Variants in MARCHF6 observed in about 807,000 individuals in gnomAD.
MARCHF6 encodes E3 ubiquitin-protein ligase MARCHF6.
A neutral mutation model predicts 133.7 loss-of-function variants in MARCHF6; 31 were observed. The ratio of observed to expected loss-of-function variants is 0.23; its 90% confidence interval spans 0.17 to 0.31. The LOEUF (loss-of-function observed/expected upper bound fraction) is 0.31. Ranked by LOEUF, MARCHF6 falls within the 10% of genes least tolerant of loss-of-function variation. The pLI is 1.00. For missense variants in MARCHF6, 723 were observed against 1,121.6 expected, an observed-to-expected ratio of 0.64 and a Z score of 5.08; for synonymous variants, 395 against 402.5, an observed-to-expected ratio of 0.98 and a Z score of 0.22.
chr5:10,435,956 G>A lies in MARCHF6; in HGVS notation c.*2272G>A, dbSNP rs897415562. ...GGTCTCGGAACTCCTGACTGCAGGT[G>A]ATCCGTCCTCCTTGGGCTCCCAAAG... On this transcript the variant is annotated 3_prime_UTR_variant, in exon 26 of 26. Transcript: ENST00000274140. 2 of 151,334 alleles carry A rather than the reference G, an allele frequency of 1.3e-5. No homozygotes were observed. Among genetic ancestry groups the A allele is most frequent in the African/African-American group, 4.9e-5 (2 of 41,148 alleles). The allele number at this position is 151,334 out of a possible 1,614,324, so 9.4% of individuals were successfully genotyped here.
intron 20 of MARCHF6, 49 bp downstream of exon 20, chr5:10,414,551 A>G: frequency 7.1e-7 from 1 of 1,417,660 alleles, no homozygotes; most frequent in South Asian, 1.2e-5. Context: ...AAGGTTATTT[A>G]TTTAGCTATT....
At chr5:10,407,393 C>A (rs972133340) in intron 17 of MARCHF6, among the ~76,000 whole-genome samples, 191 bp downstream of exon 17, 1 of 151,298 alleles carries the variant, frequency 6.6e-6, no homozygotes, top group African/African-American at 2.4e-5. Flanking sequence ...TTTTCTGGAC[C>A]TTTTCCACTT....
intron 1 of MARCHF6, among the ~76,000 whole-genome samples, chr5:10,358,236 G>T (rs1359632708): frequency 6.6e-6 from 1 of 152,114 alleles, no homozygotes; most frequent in African/African-American, 2.4e-5. Flanking sequence ...TAGCTGTAAC[G>T]GAGTAAAAGA....
At position 10,390,556 on chromosome 5, in the gene MARCHF6, T is replaced by G. The variant is rs901369336; in HGVS notation, c.576+56T>G. 48 of 1,502,878 alleles carry G rather than the reference T, an allele frequency of 3.2e-5. No individual in the cohort carries two copies. In the Admixed American group the frequency reaches 9.4e-4, roughly 29 times the overall value. 93.1% of individuals were successfully genotyped at this position (1,502,878 alleles called of 1,614,324 possible). ...TTAGGTAGGTCATGAGAATTATTGT[T>G]TCTCTCTGAGACTCAAACTCTTGAC... On this transcript the variant is annotated intron_variant, in intron 6 of 25. Transcript: ENST00000274140.
intron 1 of MARCHF6, among the ~76,000 whole-genome samples, chr5:10,355,554 T>C (rs1178216971): frequency 1.3e-5 from 2 of 152,358 alleles, no homozygotes; most frequent in Admixed American, 1.3e-4. Flanking sequence ...ATATATTTTT[T>C]CTCTTGTAAA....
In MARCHF6 at chr5:10,353,708, C is replaced by T; in HGVS notation, c.-191C>T. On this transcript the variant is annotated 5_prime_UTR_variant, in exon 1 of 26. Coordinates refer to ENST00000274140, the MANE Select transcript of MARCHF6 (RefSeq NM_005885.4). ...TCGCCCCTAGGTGTTCCCGCCCCTC[C>T]CCCTCCCGTGTCGCTCGCTTTCTGT... The T allele has an allele frequency of 2.1e-6, 1 of 481,606 alleles. No individual in the cohort carries two copies. The highest frequency in any genetic ancestry group is 3.8e-6 in the Non-Finnish European group (1 of 265,678). 29.8% of individuals were successfully genotyped at this position (481,606 alleles called of 1,614,324 possible).
At chr5:10,393,990 T>C in intron 7 of MARCHF6, 92 bp from the exon 8 acceptor site, 1 of 640,122 alleles carries the variant, frequency 1.6e-6, no homozygotes, top group South Asian at 3.2e-5. Context: ...GCTTACAAAG[T>C]ACTAAATTTT....
Position 10,405,539 on chromosome 5 carries a change from A to G in MARCHF6, c.1333-19A>G. 6.3e-7 allele frequency: 1 copy of G among 1,580,830 alleles called. No individual in the cohort carries two copies. The highest frequency in any genetic ancestry group is 8.6e-7 in the Non-Finnish European group (1 of 1,167,916). On this transcript the variant is annotated intron_variant, in intron 15 of 25. Transcript: ENST00000274140. ...GAAGACATTGGTGAATATTCATAGT[A>G]TTTAAAATATATTTGCAGGTACTTC...
chr5:10,382,066 G>GT, intron 4 of MARCHF6, 123 bp downstream of exon 4: 1 of 1,045,948 alleles, frequency 9.6e-7, no homozygotes, highest in South Asian at 1.5e-5. Context: ...AGAGTGTCAT[G>GT]TATTAGGAAA....
chr5:10,363,388 A>G (rs1314208853), intron 1 of MARCHF6, among the ~76,000 whole-genome samples: 1 of 152,228 alleles, frequency 6.6e-6, no homozygotes, highest in African/African-American at 2.4e-5. Flanking sequence ...ATACATGTAC[A>G]TGGCTATTAA....
At chr5:10,396,765 A>T (rs1170730324) in intron 9 of MARCHF6, among the ~76,000 whole-genome samples, 1 of 152,168 alleles carries the variant, frequency 6.6e-6, no homozygotes, top group Non-Finnish European at 1.5e-5. Context: ...GTGAGACAGG[A>T]CAAAGAAAGT....
intron 9 of MARCHF6, among the ~76,000 whole-genome samples, chr5:10,396,382 G>A (rs1310523298): frequency 6.6e-6 from 1 of 152,186 alleles, no homozygotes; most frequent in Non-Finnish European, 1.5e-5. Context: ...AGAGGTTGAA[G>A]TATAAAATGT....
rs1221799811 is a variant in MARCHF6 at position 10,439,358 on chromosome 5, G to T, written c.*5674G>T. ...TGTATAATTTCTAGAAGACAACAAGGAAAACGTGTTCAGCCTTGGGTTAGG... is the reference window on the plus strand; with the variant it reads ...TGTATAATTTCTAGAAGACAACAAGTAAAACGTGTTCAGCCTTGGGTTAGG... On this transcript the variant is annotated 3_prime_UTR_variant, in exon 26 of 26. Transcript: ENST00000274140. 1 of 152,154 alleles carries T rather than the reference G, an allele frequency of 6.6e-6. No individual in the cohort carries two copies. Among genetic ancestry groups the T allele is most frequent in the East Asian group, 1.9e-4 (1 of 5,200 alleles). The allele number at this position is 152,154 out of a possible 1,614,324, so 9.4% of individuals were successfully genotyped here.
rs200659803 is a variant in MARCHF6, at chr5:10,414,533, G to C, written c.1966+31G>C. 109 of 1,524,644 alleles carry C rather than the reference G, an allele frequency of 7.1e-5. No homozygotes were observed. The African/African-American group carries it at 1.2e-3, about 17-fold the overall frequency. 94.4% of individuals were successfully genotyped at this position (1,524,644 alleles called of 1,614,324 possible). A position where few individuals can be genotyped will look rare whatever the true frequency, so the allele number is the denominator to read the frequency against. On this transcript the variant is annotated intron_variant, in intron 20 of 25. Transcript: ENST00000274140. Reference sequence around the variant, plus strand: ...AGCTTGTGCTAGCCTTCAGCTAATAGCATCATTAAGGTTATTTATTTAGCT... The same window carrying C: ...AGCTTGTGCTAGCCTTCAGCTAATACCATCATTAAGGTTATTTATTTAGCT...
intron 1 of MARCHF6, among the ~76,000 whole-genome samples, chr5:10,371,437 T>G (rs1199747466): frequency 6.6e-6 from 1 of 152,188 alleles, no homozygotes; most frequent in Non-Finnish European, 1.5e-5. Flanking sequence ...TCCATGTGGC[T>G]GGGGAAGCCT....
intron 22 of MARCHF6, among the ~76,000 whole-genome samples, chr5:10,419,604 A>G (rs1739721609): frequency 6.8e-6 from 1 of 147,712 alleles, no homozygotes; most frequent in Non-Finnish European, 1.5e-5. Flanking sequence ...ATTGAAGGAA[A>G]GAGCTACCTT....
intron 1 of MARCHF6, among the ~76,000 whole-genome samples, chr5:10,374,187 T>C (rs1468281885): frequency 3.3e-5 from 5 of 152,154 alleles, no homozygotes; most frequent in South Asian, 2.1e-4. Flanking sequence ...TAAAACAATA[T>C]AGAACTCTTT....
intron 16 of MARCHF6, 48 bp downstream of exon 16, chr5:10,405,725 AC>A: frequency 6.5e-7 from 1 of 1,533,526 alleles, no homozygotes; most frequent in Non-Finnish European, 8.7e-7. Context: ...AATTGTGCTA[AC>A]CTATAGTTTT....
intron 19 of MARCHF6, 31 bp from the exon 20 acceptor site, chr5:10,414,402 A>G: frequency 2.3e-6 from 3 of 1,309,094 alleles, no homozygotes; most frequent in Non-Finnish European, 3.3e-6. Flanking sequence ...CGTGTTCTCT[A>G]TTTATGCACT....
Sources: allele counts gnomAD v4.1 joint callset (sites outside exome capture counted in the v4.1 genomes callset), GRCh38; gene constraint gnomAD v4.1.1; transcripts MANE v1.5; gene names NCBI Gene and HGNC (gene_info 2026-07-23, HGNC 2026-07-21).